Variants in MAP7D2 observed in about 807,000 individuals in gnomAD.
MAP7D2 encodes the protein MAP7 domain containing 2.
In MAP7D2, 33 loss-of-function variants were observed where a neutral mutation model predicts 63.5. The ratio of observed to expected loss-of-function variants is 0.52; its 90% confidence interval spans 0.39 to 0.70. The LOEUF (loss-of-function observed/expected upper bound fraction) is 0.70, where lower values mean the gene tolerates loss of function less well. MAP7D2 is among the 30% of genes least tolerant of loss of function. MAP7D2 has a pLI of 0.00. For synonymous variants in MAP7D2, 224 were observed against 223.7 expected, an observed-to-expected ratio of 1.00 and a Z score of -0.01; for missense variants, 626 against 604.0, an observed-to-expected ratio of 1.04 and a Z score of -0.38.
chrX:20,055,529 A>C (rs1478242249), intron 4 of MAP7D2, among the ~76,000 whole-genome samples: 1 of 111,945 alleles, frequency 8.9e-6, no homozygotes. Context: ...TCTCCGGGGC[A>C]CTAAGATGTA....
chrX:20,084,836 G>T lies in MAP7D2; in HGVS notation c.131-20031C>A, dbSNP rs778354239. Reference sequence around the variant, plus strand: ...TATCTACCTGCCTCAGCCTCTCAAAGTGCTGGGATTACAGGTGTAAGCTAC... The same window carrying T: ...TATCTACCTGCCTCAGCCTCTCAAATTGCTGGGATTACAGGTGTAAGCTAC... On this transcript the variant is annotated intron_variant, in intron 1 of 16. Coordinates refer to ENST00000379643, the MANE Select transcript of MAP7D2 (RefSeq NM_001168465.2). Among the ~76,000 whole-genome samples the T allele has an allele frequency of 5.4e-5, 6 of 111,470 alleles. No individual in the cohort carries two copies. The East Asian group carries it at 1.4e-3, about 26-fold the overall frequency.
At chrX:20,085,879 T>C (rs1278273555) in intron 1 of MAP7D2, among the ~76,000 whole-genome samples, 3 of 110,631 alleles carry the variant, frequency 2.7e-5, no homozygotes, top group African/African-American at 9.9e-5. Flanking sequence ...GCCCAGCTAA[T>C]TTTTCTATTT....
chrX:20,109,354 T>C (rs185784361), intron 1 of MAP7D2, among the ~76,000 whole-genome samples: 1 of 108,356 alleles, frequency 9.2e-6, no homozygotes, highest in Admixed American at 1.0e-4. Flanking sequence ...ACCCCATCTT[T>C]ACTAAAAGTA....
chrX:20,074,880 G>A (rs1388518373), intron 1 of MAP7D2, among the ~76,000 whole-genome samples: 2 of 110,483 alleles, frequency 1.8e-5, no homozygotes, highest in Admixed American at 9.6e-5. Context: ...GTGAAACCCC[G>A]TCACTACAAA....
chrX:20,047,184 T>TGGGACTGAGCTGAATTACCTGCAC (rs1420843406), intron 6 of MAP7D2, among the ~76,000 whole-genome samples: 4 of 112,532 alleles, frequency 3.6e-5, no homozygotes, highest in Non-Finnish European at 1.9e-5. Context: ...CCATAAAACC[T>TGGGACTGAGCTGAATTACCTGCAC]GGGACTGAGC....
At position 20,016,214 on chromosome X, in the gene MAP7D2, T is replaced by A. The variant is rs767320913; in HGVS notation, c.1524A>T (p.Lys508Asn). Reference protein sequence around the residue: ...ERKRQEEEKKKQEGEEKRKAG... With the variant: ...ERKRQEEEKKNQEGEEKRKAG... ...CCTTTCTTTTCTCTTCCCCTTCCTG[T>A]TTTTTCTTTTCCTCTTCCTGCCGCT... is the stretch of plus-strand genomic sequence containing the variant. Residue 508 changes from lysine (K) to asparagine (N), a missense_variant, in exon 11 of 17, where the codon AAA becomes AAT. Transcript: ENST00000379643. The A allele has an allele frequency of 2.3e-5, 27 of 1,198,025 alleles. No homozygotes were observed. The highest frequency in any genetic ancestry group is 2.9e-5 in the Non-Finnish European group (26 of 888,850).
chrX:20,045,609 G>A (rs1161515202), intron 6 of MAP7D2, among the ~76,000 whole-genome samples: 1 of 102,971 alleles, frequency 9.7e-6, no homozygotes, highest in African/African-American at 3.6e-5. Context: ...ATTCTTCCAA[G>A]TTCTCCTAGC....
intron 1 of MAP7D2, among the ~76,000 whole-genome samples, chrX:20,066,170 C>T (rs1432400580): frequency 8.9e-6 from 1 of 111,809 alleles, no homozygotes; most frequent in Non-Finnish European, 1.9e-5. Flanking sequence ...GATCCACCCG[C>T]CTCGGCCTCC....
chrX:20,096,802 A>C (rs761698293), intron 1 of MAP7D2, among the ~76,000 whole-genome samples: 33 of 112,491 alleles, frequency 2.9e-4, no homozygotes, highest in Admixed American at 2.4e-3. Context: ...CACAATAAAA[A>C]ACAAATTAAG....
intron 1 of MAP7D2, chrX:20,116,516 T>G: frequency 1.2e-6 from 1 of 867,832 alleles, no homozygotes; most frequent in Non-Finnish European, 1.4e-6. Flanking sequence ...CCACCCCCCA[T>G]GTGTACCCAC....
At chrX:20,018,657 G>A (rs1739511911) in intron 10 of MAP7D2, among the ~76,000 whole-genome samples, 1 of 109,847 alleles carries the variant, frequency 9.1e-6, no homozygotes, top group Non-Finnish European at 1.9e-5. Flanking sequence ...TGGCCAGGCT[G>A]GTCTCGAACT....
intron 1 of MAP7D2, among the ~76,000 whole-genome samples, chrX:20,096,081 CAAAAAAAA>C (rs1208579984): frequency 1.3e-4 from 2 of 14,902 alleles, no homozygotes; most frequent in Non-Finnish European, 2.4e-4. Flanking sequence ...GACTCTTCCT[CAAAAAAAA>C]AAAAAAAAAA....
chrX:20,093,648 C>T (rs2066130498), intron 1 of MAP7D2, among the ~76,000 whole-genome samples: 2 of 110,213 alleles, frequency 1.8e-5, no homozygotes, highest in African/African-American at 6.6e-5. Context: ...CAGAGTGAGA[C>T]TCCATCTCAA....
At chrX:20,082,580 G>C (rs2065803655) in intron 1 of MAP7D2, among the ~76,000 whole-genome samples, 1 of 112,119 alleles carries the variant, frequency 8.9e-6, no homozygotes, top group Non-Finnish European at 1.9e-5. Context: ...CAATCTTCAA[G>C]GGCACTTTGA....
Position 20,060,432 on chromosome X carries a change from GAGAAAGAAAGAAAGAAAGAA to G in MAP7D2, c.372+2962_372+2981del, listed in dbSNP as rs59420678. Among the ~76,000 whole-genome samples, 245 of 69,215 alleles carry G rather than the reference GAGAAAGAAAGAAAGAAAGAA, an allele frequency of 3.5e-3. 2 individuals are homozygous for G. Among genetic ancestry groups the G allele is most frequent in the East Asian group, 0.015 (38 of 2,590 alleles). The allele number at this position is 69,215 out of a possible 115,157, so 60.1% of individuals were successfully genotyped here. On this transcript the variant is annotated intron_variant, in intron 3 of 16. Coordinates refer to ENST00000379643, the MANE Select transcript of MAP7D2 (RefSeq NM_001168465.2). ...AGAAAAGAAAAGAGAGAGAGAGAGA[GAGAAAGAAAGAAAGAAAGAA>G]AGAAAGAAAGAAAGAAAGAAAGAAA...
intron 1 of MAP7D2, among the ~76,000 whole-genome samples, chrX:20,094,511 T>C (rs867908150): frequency 0.018 from 165 of 9,266 alleles, 11 homozygotes; most frequent in Middle Eastern, 0.05. Flanking sequence ...TATATATATA[T>C]ATATGTATAT....
At chrX:20,032,602 C>T (rs193163171) in intron 8 of MAP7D2, among the ~76,000 whole-genome samples, 11 of 111,928 alleles carry the variant, frequency 9.8e-5, no homozygotes, top group Non-Finnish European at 1.5e-4. Flanking sequence ...GTTTTCAACA[C>T]ATGATAAAGT....
At chrX:20,095,978 A>T (rs1331602550) in intron 1 of MAP7D2, among the ~76,000 whole-genome samples, 1 of 102,316 alleles carries the variant, frequency 9.8e-6, no homozygotes, top group Non-Finnish European at 2.0e-5. Flanking sequence ...GCTACTTGGG[A>T]GGCCGAGGCA....
intron 1 of MAP7D2, among the ~76,000 whole-genome samples, chrX:20,101,575 C>A (rs2045017467): frequency 8.9e-6 from 1 of 112,105 alleles, no homozygotes; most frequent in Non-Finnish European, 1.9e-5. Flanking sequence ...AATGTATGGG[C>A]ATCAAGGTAT....
Sources: gnomAD v4.1 joint callset for allele counts (sites outside exome capture counted in the v4.1 genomes callset) on GRCh38, gnomAD v4.1.1 for gene constraint, MANE v1.5 for transcripts, NCBI Gene and HGNC (gene_info 2026-07-23, HGNC 2026-07-21) for gene names.